COL6A3: variants seen among roughly 807,000 people sequenced by gnomAD.
COL6A3 encodes collagen type VI alpha 3 chain.
COL6A3 carries 137 observed loss-of-function variants against 274.1 expected under a neutral mutation model. The ratio of observed to expected loss-of-function variants is 0.50; its 90% CI spans 0.44 to 0.58. The LOEUF (loss-of-function observed/expected upper bound fraction) is 0.58. Ranked by LOEUF, COL6A3 falls within the 20% of genes least tolerant of loss-of-function variation. The pLI is 0.00. For synonymous variants in COL6A3, 1,650 were observed against 1,650.6 expected (o/e 1.00, Z 0.01); for missense variants, 3,950 against 4,124.9 (o/e 0.96, Z 1.16).
rs746007396 is a variant in COL6A3, at chr2:237,371,735, G to A, written c.4282C>T (p.Pro1428Ser). Residue 1428 changes from proline (P) to serine (S), a missense_variant, in exon 9 of 44, where the codon CCA (proline) becomes TCA (serine). Transcript: ENST00000295550. This position sits in a 1 kb window ranked among gnomAD's most constrained non-coding sequence, Gnocchi z 4.3. Reference protein sequence around the residue: ...KLLASTRYPPPAVESDAADIV... With the variant: ...KLLASTRYPPSAVESDAADIV... ...ACCTCCGACGCCCCCATCTCACCTGGAGGTGGATAGCGAGTGCTGGCTAAG... is the reference window on the plus strand; with the variant it reads ...ACCTCCGACGCCCCCATCTCACCTGAAGGTGGATAGCGAGTGCTGGCTAAG... 24 of 1,595,302 alleles carry A rather than the reference G, an allele frequency of 1.5e-5. No homozygotes were observed. The South Asian group carries it at 2.4e-4, about 16-fold the overall frequency.
chr2:237,363,750 T>A (rs1430014491), intron 13 of COL6A3, among the ~76,000 whole-genome samples: 3 of 152,218 alleles, frequency 2.0e-5, no homozygotes, highest in Non-Finnish European at 4.4e-5. Flanking sequence ...AATAGCAGCC[T>A]CATCTCCATT....
At chr2:237,330,197 A>T (rs898586485) in intron 42 of COL6A3, 2 of 152,232 alleles carry the variant, frequency 1.3e-5, no homozygotes, top group Non-Finnish European at 2.9e-5. Flanking sequence ...ATATCTATCC[A>T]AAGCTTCCTT....
chr2:237,353,446 C>A, intron 24 of COL6A3, 43 bp from the exon 25 acceptor site: 1 of 1,547,236 alleles, frequency 6.5e-7, no homozygotes, highest in Non-Finnish European at 8.9e-7. Context: ...AGGATGGTTC[C>A]TGTCAATGTC....
chr2:237,348,326 T>G (rs1240059358), intron 30 of COL6A3, 23 bp downstream of exon 30: 9 of 1,600,844 alleles, frequency 5.6e-6, no homozygotes, highest in Non-Finnish European at 6.0e-6. Context: ...ATGATGATGC[T>G]TCACCGACCA....
Position 237,395,281 on chromosome 2 carries a change from C to T in COL6A3, c.92-77G>A, listed in dbSNP as rs2078408687. The T allele has an allele frequency of 3.3e-6, 5 of 1,527,992 alleles. No homozygotes were observed. In the East Asian group the frequency reaches 9.1e-5, roughly 28 times the overall value. 94.7% of individuals were successfully genotyped at this position (1,527,992 alleles called of 1,614,324 possible). A position where few individuals can be genotyped will look rare whatever the true frequency, so the allele number is the denominator to read the frequency against. On this transcript the variant is annotated intron_variant, in intron 2 of 43. Transcript: ENST00000295550. ...CCTATCAATGCAAAGCCTTCCTAAA[C>T]AAATTTGGTTTACACTATACTGCTA...
chr2:237,402,877 T>C (rs965602149), intron 1 of COL6A3, among the ~76,000 whole-genome samples: 2 of 152,164 alleles, frequency 1.3e-5, no homozygotes, highest in African/African-American at 4.8e-5. Context: ...CAAGTCTTCA[T>C]GGTTGTCTGT....
intron 1 of COL6A3, among the ~76,000 whole-genome samples, chr2:237,398,183 C>A (rs1030871024): frequency 6.6e-6 from 1 of 152,204 alleles, no homozygotes; most frequent in African/African-American, 2.4e-5. Context: ...GAAAATCTGC[C>A]ATATGCCAAC....
At chr2:237,399,527 T>A (rs1166464410) in intron 1 of COL6A3, among the ~76,000 whole-genome samples, 1 of 152,218 alleles carries the variant, frequency 6.6e-6, no homozygotes, top group Non-Finnish European at 1.5e-5. Flanking sequence ...CCATTCGATG[T>A]TCTAAGGGGA....
intron 42 of COL6A3, among the ~76,000 whole-genome samples, chr2:237,332,693 A>C (rs1014490062): frequency 5.3e-5 from 8 of 152,146 alleles, no homozygotes; most frequent in African/African-American, 1.7e-4. Context: ...TTCCCATGGC[A>C]TTTCCATTTT....
At position 237,332,104 on chromosome 2, in the gene COL6A3, TATA is replaced by T. The variant is rs1467526162; in HGVS notation, c.9328+1343_9328+1345del. On this transcript the variant is annotated intron_variant, in intron 42 of 43. Coordinates refer to ENST00000295550, the MANE Select transcript of COL6A3 (RefSeq NM_004369.4). ...ATATATATATATATATATATATATATATATATATATATATGAAAAGAAAAACAA... is the reference window on the plus strand; with the variant it reads ...ATATATATATATATATATATATATATTATATATATATGAAAAGAAAAACAA... 8.7e-3 allele frequency among the ~76,000 whole-genome samples: 386 copies of T among 44,452 alleles called. 49 individuals carry two copies. Among genetic ancestry groups the T allele is most frequent in the African/African-American group, 0.027 (285 of 10,716 alleles). The allele number at this position is 44,452 out of a possible 152,430, so 29.2% of individuals were successfully genotyped here. A position where few individuals can be genotyped will look rare whatever the true frequency, so the allele number is the denominator to read the frequency against.
At chr2:237,381,925 T>C (rs901370010) in intron 4 of COL6A3, among the ~76,000 whole-genome samples, 2 of 152,200 alleles carry the variant, frequency 1.3e-5, no homozygotes, top group Admixed American at 6.5e-5. Flanking sequence ...TTCAAAATGC[T>C]CATTGTCAAG....
At chr2:237,376,651 T>C in intron 7 of COL6A3, 121 bp downstream of exon 7, 1 of 983,752 alleles carries the variant, frequency 1.0e-6, no homozygotes, top group East Asian at 2.4e-5. Context: ...GGTGATTAAT[T>C]TTCCACCTTT....
chr2:237,390,680 G>A (rs536265629), intron 3 of COL6A3, among the ~76,000 whole-genome samples: 103 of 152,334 alleles, frequency 6.8e-4, no homozygotes, highest in Non-Finnish European at 1.2e-3. Context: ...GCTCACTGGT[G>A]TGGGCACAAT....
In COL6A3 at chr2:237,361,283, A is replaced by C. The variant is rs2077431627; in HGVS notation, c.6157-109T>G. The C allele has an allele frequency of 2.1e-6, 2 of 954,762 alleles. No homozygotes were observed. The highest frequency in any genetic ancestry group is 3.4e-6 in the Non-Finnish European group (2 of 593,006). The allele number at this position is 954,762 out of a possible 1,614,324, so 59.1% of individuals were successfully genotyped here. A position where few individuals can be genotyped will look rare whatever the true frequency, so the allele number is the denominator to read the frequency against. On this transcript the variant is annotated intron_variant, in intron 15 of 43. Coordinates refer to ENST00000295550, the MANE Select transcript of COL6A3 (RefSeq NM_004369.4). The surrounding 1 kb of genome is among the most constrained non-coding windows in gnomAD (Gnocchi z 5.1). The stretch of plus-strand genomic sequence containing the variant: ...TGGCAGAGCAGCACTAAAACTCAGC[A>C]TGGCTTTCCCTGTTACTGCTTTTCC...
At chr2:237,363,211 T>G in intron 14 of COL6A3, 42 bp downstream of exon 14, 1 of 1,599,366 alleles carries the variant, frequency 6.3e-7, no homozygotes, top group South Asian at 1.1e-5. Flanking sequence ...AAAGGTGTGG[T>G]ATCTACACTG....
chr2:237,398,642 C>T (rs893449833), intron 1 of COL6A3, among the ~76,000 whole-genome samples: 1 of 152,184 alleles, frequency 6.6e-6, no homozygotes, highest in Non-Finnish European at 1.5e-5. Context: ...TCTGAAGGGC[C>T]CCATGCTCAG....
intron 1 of COL6A3, among the ~76,000 whole-genome samples, chr2:237,402,849 G>A (rs1399668849): frequency 6.6e-6 from 1 of 152,094 alleles, no homozygotes; most frequent in Non-Finnish European, 1.5e-5. Flanking sequence ...CTCTCCACAG[G>A]TGCCCCCATG....
chr2:237,342,557 C>A (rs2077009502), intron 36 of COL6A3: 3 of 233,844 alleles, frequency 1.3e-5, no homozygotes, highest in Admixed American at 5.0e-5. Context: ...TCCATCCCTT[C>A]CCCACCCTCT....
intron 25 of COL6A3, 96 bp from the exon 26 acceptor site, chr2:237,352,680 C>T: frequency 8.1e-7 from 1 of 1,233,682 alleles, no homozygotes; most frequent in East Asian, 2.5e-5. Flanking sequence ...CCTGGAACCT[C>T]ACTTCTGCTG....
Sources: gnomAD v4.1 joint callset for allele counts (sites outside exome capture counted in the v4.1 genomes callset) on GRCh38, gnomAD v4.1.1 for gene constraint, Gnocchi (gnomAD v3.1) non-coding constraint, MANE v1.5 for transcripts, NCBI Gene and HGNC (gene_info 2026-07-23, HGNC 2026-07-21) for gene names.